The following PPM1L variants were observed in gnomAD, a reference collection of about 807,000 sequenced individuals.
PPM1L encodes the protein protein phosphatase 1L.
A neutral mutation model predicts 31.4 loss-of-function variants in PPM1L; 13 were observed. The ratio of observed to expected loss-of-function variants is 0.41; its 90% CI spans 0.27 to 0.66. The LOEUF is 0.66. PPM1L is among the 30% of genes least tolerant of loss of function. The pLI, the probability that PPM1L is intolerant of heterozygous loss-of-function variation, is 0.29. For missense variants in PPM1L, 326 were observed against 453.7 expected (o/e 0.72, Z 2.56); for synonymous variants, 184 against 175.4 (o/e 1.05, Z -0.39).
chr3:160,847,525 G>A (rs1194839993), intron 1 of PPM1L, among the ~76,000 whole-genome samples: 3 of 152,160 alleles, frequency 2.0e-5, no homozygotes, highest in Non-Finnish European at 4.4e-5. Flanking sequence ...ATCTCAACTG[G>A]TAAGTGTGAT....
chr3:160,947,587 T>A (rs1042319553), intron 1 of PPM1L, among the ~76,000 whole-genome samples: 2 of 152,124 alleles, frequency 1.3e-5, no homozygotes, highest in Non-Finnish European at 2.9e-5. Flanking sequence ...ATCTTGTTCA[T>A]TTCTATCTCC....
chr3:160,816,831 T>C (rs971609750), intron 1 of PPM1L, among the ~76,000 whole-genome samples: 3 of 152,128 alleles, frequency 2.0e-5, no homozygotes, highest in African/African-American at 7.2e-5. Flanking sequence ...AGAATTGCAC[T>C]GAGAACCTTG....
intron 1 of PPM1L, among the ~76,000 whole-genome samples, chr3:160,779,433 G>A (rs1400323363): frequency 6.6e-6 from 1 of 152,248 alleles, no homozygotes; most frequent in African/African-American, 2.4e-5. Context: ...GATAATATCT[G>A]CTTCACTGAG....
intron 1 of PPM1L, among the ~76,000 whole-genome samples, chr3:160,959,214 A>G (rs185773241): frequency 6.6e-6 from 1 of 152,272 alleles, no homozygotes; most frequent in African/African-American, 2.4e-5. Context: ...ACCAAATATC[A>G]TAAATTCTCA....
chr3:160,813,005 A>G (rs963521932), intron 1 of PPM1L, among the ~76,000 whole-genome samples: 2 of 152,220 alleles, frequency 1.3e-5, no homozygotes, highest in Non-Finnish European at 2.9e-5. Context: ...CTACAGGGAT[A>G]TTCCTTTTGT....
intron 1 of PPM1L, among the ~76,000 whole-genome samples, chr3:160,889,704 C>G (rs78779597): frequency 6.6e-6 from 1 of 152,014 alleles, no homozygotes; most frequent in South Asian, 2.1e-4. Flanking sequence ...CGCAAAAAAA[C>G]AAAACTTCAG....
At chr3:160,839,878 T>G (rs570599000) in intron 1 of PPM1L, among the ~76,000 whole-genome samples, 2 of 152,188 alleles carry the variant, frequency 1.3e-5, no homozygotes, top group East Asian at 3.9e-4. Context: ...TTGGAAAGCC[T>G]TTCCCTAGGT....
chr3:160,909,743 A>G (rs1713890291), intron 1 of PPM1L, among the ~76,000 whole-genome samples: 1 of 152,258 alleles, frequency 6.6e-6, no homozygotes, highest in Admixed American at 6.5e-5. Flanking sequence ...TGCAGTTGTC[A>G]TAGAAGCCAA....
At chr3:160,944,784 T>A (rs1156475229) in intron 1 of PPM1L, among the ~76,000 whole-genome samples, 5 of 43,912 alleles carry the variant, frequency 1.1e-4, no homozygotes, top group East Asian at 5.8e-4. Context: ...TATATTATAT[T>A]ATATATGTTA....
chr3:160,883,929 G>A (rs187351930), intron 1 of PPM1L, among the ~76,000 whole-genome samples: 149 of 151,492 alleles, frequency 9.8e-4, no homozygotes, highest in Admixed American at 6.1e-3. Flanking sequence ...ATCTATCCAG[G>A]CATGGTGGTG....
intron 1 of PPM1L, among the ~76,000 whole-genome samples, chr3:160,815,182 A>G (rs555215706): frequency 3.3e-5 from 5 of 152,190 alleles, no homozygotes; most frequent in South Asian, 2.1e-4. Flanking sequence ...GAGAGAGAGA[A>G]AAAAGTGAGG....
At chr3:160,912,736 C>G (rs533353080) in intron 1 of PPM1L, among the ~76,000 whole-genome samples, 23 of 152,256 alleles carry the variant, frequency 1.5e-4, no homozygotes, top group South Asian at 4.1e-4. Flanking sequence ...TATGTATGTA[C>G]TAATTTACTT....
At chr3:160,876,924 C>A (rs1460761491) in intron 1 of PPM1L, among the ~76,000 whole-genome samples, 1 of 152,168 alleles carries the variant, frequency 6.6e-6, no homozygotes, top group Non-Finnish European at 1.5e-5. Flanking sequence ...GGAATGACTT[C>A]TGCACCTAGG....
chr3:160,837,079 T>G (rs1713740030), intron 1 of PPM1L, among the ~76,000 whole-genome samples: 1 of 152,224 alleles, frequency 6.6e-6, no homozygotes, highest in Non-Finnish European at 1.5e-5. Context: ...CTTAACATTT[T>G]TTCTTTAAAT....
chr3:161,035,459 G>C (rs1718718028), intron 2 of PPM1L, among the ~76,000 whole-genome samples: 1 of 152,194 alleles, frequency 6.6e-6, no homozygotes, highest in Non-Finnish European at 1.5e-5. Flanking sequence ...TTTGACTGTA[G>C]ACAGACATGC....
chr3:161,012,219 T>C (rs1424766465), intron 2 of PPM1L, among the ~76,000 whole-genome samples: 1 of 152,240 alleles, frequency 6.6e-6, no homozygotes, highest in Non-Finnish European at 1.5e-5. Flanking sequence ...TGAGTGTTTG[T>C]AGCATGAAGG....
intron 2 of PPM1L, among the ~76,000 whole-genome samples, chr3:161,011,614 G>A (rs1388846434): frequency 6.6e-6 from 1 of 151,686 alleles, no homozygotes; most frequent in Non-Finnish European, 1.5e-5. Flanking sequence ...GGGCAGTATG[G>A]CCATTTTCAC....
At chr3:160,887,112 A>G (rs1712942727) in intron 1 of PPM1L, among the ~76,000 whole-genome samples, 1 of 151,930 alleles carries the variant, frequency 6.6e-6, no homozygotes, top group African/African-American at 2.4e-5. Context: ...AGGATATCAG[A>G]GTTTTAAGAC....
chr3:160,822,913 C>A (rs770610473), intron 1 of PPM1L, among the ~76,000 whole-genome samples: 1 of 151,754 alleles, frequency 6.6e-6, no homozygotes, highest in East Asian at 1.9e-4. Flanking sequence ...AGTTAAACGA[C>A]CATCTGTAAG....
Sources: allele counts gnomAD v4.1 joint callset (sites outside exome capture counted in the v4.1 genomes callset), GRCh38; gene constraint gnomAD v4.1.1; transcripts MANE v1.5; gene names NCBI Gene and HGNC (gene_info 2026-07-23, HGNC 2026-07-21).